MAN1A1: variants seen among roughly 807,000 people sequenced by gnomAD.
MAN1A1 encodes the protein mannosidase alpha class 1A member 1.
MAN1A1 carries 29 observed loss-of-function variants against 70.8 expected under a neutral mutation model. The observed-to-expected ratio is 0.41, with a 90% CI of 0.31 to 0.56. The LOEUF (loss-of-function observed/expected upper bound fraction) is 0.56, where lower values mean the gene tolerates loss of function less well. MAN1A1 is among the 20% of genes least tolerant of loss of function. The probability of loss-of-function intolerance (pLI) is 0.29; values close to 1 mark genes in which losing one functional copy is unlikely to be tolerated. For missense variants in MAN1A1, 747 were observed against 841.3 expected, an observed-to-expected ratio of 0.89 and a Z score of 1.39; for synonymous variants, 349 against 330.1, an observed-to-expected ratio of 1.06 and a Z score of -0.62.
Position 119,188,525 on chromosome 6 carries a change from G to A in MAN1A1, c.1599C>T (p.Ile533=), listed in dbSNP as rs139752281. The A allele has an allele frequency of 6.2e-6, 10 of 1,613,652 alleles. No homozygotes were observed. The highest frequency in any genetic ancestry group is 2.7e-5 in the African/African-American group (2 of 74,848). The change falls in exon 11 of 13, where the codon ATC becomes ATT. Residue 533 remains isoleucine, a synonymous_variant. Coordinates refer to ENST00000368468, the MANE Select transcript of MAN1A1 (RefSeq NM_005907.4). ...AFRFDGGVEA[I]ATRQNEKYYI... ...AGTATTTTTCATTTTGTCTTGTAGC[G>A]ATGGCTTCAACACCACCATCAAATC...
chr6:119,290,509 G>T (rs1005919014), intron 5 of MAN1A1, among the ~76,000 whole-genome samples, 174 bp downstream of exon 5: 3 of 151,860 alleles, frequency 2.0e-5, no homozygotes, highest in Admixed American at 2.0e-4. Flanking sequence ...AACTTTCCCA[G>T]CTTGCTCATT....
chr6:119,348,973 C>A lies in MAN1A1; in HGVS notation c.93G>T (p.Ser31=). The A allele has an allele frequency of 6.7e-7, 1 of 1,496,686 alleles. No homozygotes were observed. The highest frequency in any genetic ancestry group is 8.9e-7 in the Non-Finnish European group (1 of 1,122,410). 92.7% of individuals were successfully genotyped at this position (1,496,686 alleles called of 1,614,324 possible). The change falls in exon 2 of 13, where the codon TCG becomes TCT. Residue 31 remains serine, a synonymous_variant. Transcript: ENST00000368468. ...CCGTCAGGCGGAGGGCGGCGGGGCC[C>A]GACCCCTTCCTGCCACCGCCGCCGC... ...GLGGGGGRKG[S]GPAALRLTEK...
intron 2 of MAN1A1, among the ~76,000 whole-genome samples, chr6:119,336,480 G>A (rs1269748266): frequency 6.6e-6 from 1 of 152,162 alleles, no homozygotes; most frequent in Admixed American, 6.5e-5. Context: ...CAATACGAGA[G>A]AAGTGATGTT....
chr6:119,240,648 C>T (rs902049306), intron 6 of MAN1A1, among the ~76,000 whole-genome samples: 1 of 152,194 alleles, frequency 6.6e-6, no homozygotes, highest in Non-Finnish European at 1.5e-5. Context: ...GAGGTTCAGG[C>T]ATCCTGAGGT....
chr6:119,203,468 A>AG (rs1007878866), intron 7 of MAN1A1, among the ~76,000 whole-genome samples: 22 of 152,172 alleles, frequency 1.4e-4, no homozygotes, highest in African/African-American at 5.3e-4. Context: ...GCCAGGGCCC[A>AG]GGTCACCCAG....
chr6:119,272,178 T>C (rs1775943616), intron 5 of MAN1A1, among the ~76,000 whole-genome samples: 1 of 152,210 alleles, frequency 6.6e-6, no homozygotes, highest in South Asian at 2.1e-4. Flanking sequence ...TATTACAAAA[T>C]TGTAAACATA....
intron 8 of MAN1A1, among the ~76,000 whole-genome samples, chr6:119,198,313 A>G (rs1773628758): frequency 6.6e-6 from 1 of 152,082 alleles, no homozygotes; most frequent in Non-Finnish European, 1.5e-5. Flanking sequence ...TTGCTTGAGC[A>G]TGGGACAGGG....
At chr6:119,340,383 C>A (rs961542373) in intron 2 of MAN1A1, among the ~76,000 whole-genome samples, 20 of 152,214 alleles carry the variant, frequency 1.3e-4, no homozygotes, top group Admixed American at 1.0e-3. Flanking sequence ...AGGCTAGGAT[C>A]CCTGGCCTCC....
chr6:119,316,950 TC>T (rs1244984522), intron 2 of MAN1A1, among the ~76,000 whole-genome samples: 10 of 147,424 alleles, frequency 6.8e-5, no homozygotes, highest in Non-Finnish European at 1.2e-4. Context: ...TTATTATTAT[TC>T]TTTTTTTTTT....
At chr6:119,236,621 T>C (rs1227277422) in intron 6 of MAN1A1, among the ~76,000 whole-genome samples, 1 of 147,010 alleles carries the variant, frequency 6.8e-6, no homozygotes, top group Non-Finnish European at 1.5e-5. Flanking sequence ...GGCAGAAGAA[T>C]GGCTTACACC....
At chr6:119,285,385 C>A (rs1776340787) in intron 5 of MAN1A1, among the ~76,000 whole-genome samples, 1 of 152,060 alleles carries the variant, frequency 6.6e-6, no homozygotes, top group South Asian at 2.1e-4. Context: ...CCCCATGACC[C>A]AAACATCTCT....
intron 2 of MAN1A1, among the ~76,000 whole-genome samples, chr6:119,308,815 T>G (rs1772602270): frequency 1.3e-5 from 2 of 152,162 alleles, no homozygotes; most frequent in Admixed American, 1.3e-4. Context: ...AAAGATACTT[T>G]ATAAATTCAA....
chr6:119,184,872 T>C (rs75000176), intron 11 of MAN1A1, among the ~76,000 whole-genome samples: 4 of 152,160 alleles, frequency 2.6e-5, no homozygotes, highest in African/African-American at 9.6e-5. Context: ...TGGAAGGAAT[T>C]TGTCAGTTTC....
In MAN1A1 at chr6:119,348,699, T is replaced by C; in HGVS notation, c.367A>G (p.Arg123Gly). ...PEAALEDNLA[R>G]IRENHERALR... Reference sequence around the variant, plus strand: ...GCCCGCTCGTGGTTTTCGCGGATCCTGGCCAAGTTGTCCTCCAGGGCGGCC... The same window carrying C: ...GCCCGCTCGTGGTTTTCGCGGATCCCGGCCAAGTTGTCCTCCAGGGCGGCC... The change falls in exon 2 of 13, where the codon AGG (arginine) becomes GGG (glycine). Residue 123 changes from arginine to glycine, a missense_variant. Coordinates refer to ENST00000368468, the MANE Select transcript of MAN1A1 (RefSeq NM_005907.4). The C allele has an allele frequency of 1.2e-6, 2 of 1,608,034 alleles. No individual in the cohort carries two copies. The highest frequency in any genetic ancestry group is 1.7e-6 in the Non-Finnish European group (2 of 1,177,626).
intron 2 of MAN1A1, among the ~76,000 whole-genome samples, chr6:119,333,128 ACGGG>A (rs1311535952): frequency 6.6e-6 from 1 of 152,188 alleles, no homozygotes; most frequent in African/African-American, 2.4e-5. Flanking sequence ...CACTAGCAAC[ACGGG>A]TGATGCATGA....
At chr6:119,261,368 C>A (rs865896780) in intron 5 of MAN1A1, among the ~76,000 whole-genome samples, 1 of 152,170 alleles carries the variant, frequency 6.6e-6, no homozygotes, top group Admixed American at 6.5e-5. Flanking sequence ...GAATTGCTTG[C>A]ATAATTGACC....
chr6:119,183,392 T>C (rs1404215190), intron 11 of MAN1A1, among the ~76,000 whole-genome samples: 1 of 145,414 alleles, frequency 6.9e-6, no homozygotes, highest in Non-Finnish European at 1.5e-5. Context: ...AGTCCTATTA[T>C]TTTTTCTTTC....
chr6:119,280,221 A>T (rs1776194115), intron 5 of MAN1A1, among the ~76,000 whole-genome samples: 1 of 152,198 alleles, frequency 6.6e-6, no homozygotes, highest in Non-Finnish European at 1.5e-5. Context: ...TCAATATCTT[A>T]TCTTCTGTGC....
At chr6:119,328,433 T>A (rs776394126) in intron 2 of MAN1A1, among the ~76,000 whole-genome samples, 1 of 152,256 alleles carries the variant, frequency 6.6e-6, no homozygotes, top group Non-Finnish European at 1.5e-5. Context: ...TTCACAGGGT[T>A]GGACTGTTAA....
Sources: allele counts gnomAD v4.1 joint callset (sites outside exome capture counted in the v4.1 genomes callset), GRCh38; gene constraint gnomAD v4.1.1; transcripts MANE v1.5; gene names NCBI Gene and HGNC (gene_info 2026-07-23, HGNC 2026-07-21).